NLRP5: variants seen among roughly 807,000 people sequenced by gnomAD.
The protein encoded by NLRP5 is NACHT, LRR and PYD domains-containing protein 5.
Under a neutral mutation model 113.1 loss-of-function variants are expected in NLRP5, and 93 were observed. The observed-to-expected ratio is 0.82, with a 90% CI of 0.70 to 0.98. NLRP5 has a LOEUF of 0.98. Ranked by LOEUF, NLRP5 falls within the 50% of genes least tolerant of loss-of-function variation. The pLI is 0.00. For synonymous variants in NLRP5, 751 were observed against 600.7 expected, an observed-to-expected ratio of 1.25 and a Z score of -3.66; for missense variants, 1,808 against 1,514.3, an observed-to-expected ratio of 1.19 and a Z score of -3.22.
At chr19:56,043,629 G>A (rs1983606789) in intron 11 of NLRP5, among the ~76,000 whole-genome samples, 1 of 128,676 alleles carries the variant, frequency 7.8e-6, no homozygotes. Context: ...GCAGTGGCGT[G>A]ATCTCCGGTC....
intron 12 of NLRP5, among the ~76,000 whole-genome samples, chr19:56,052,735 C>T (rs397281): frequency 0.033 from 4,964 of 152,298 alleles, 113 homozygotes; most frequent in Non-Finnish European, 0.049. Flanking sequence ...GGGCCACCCA[C>T]CCCATCTTCC....
At chr19:56,037,046 A>G (rs1983343896) in intron 9 of NLRP5, among the ~76,000 whole-genome samples, 1 of 152,142 alleles carries the variant, frequency 6.6e-6, no homozygotes, top group African/African-American at 2.4e-5. Context: ...CTAATATTCT[A>G]ATCCTCACAA....
At chr19:56,038,922 C>A (rs895497584) in intron 10 of NLRP5, among the ~76,000 whole-genome samples, 1 of 152,166 alleles carries the variant, frequency 6.6e-6, no homozygotes, top group Non-Finnish European at 1.5e-5. Flanking sequence ...GTGATCCTCC[C>A]GTCTTGGCCT....
intron 11 of NLRP5, among the ~76,000 whole-genome samples, chr19:56,042,109 G>T (rs1049286161): frequency 2.2e-4 from 33 of 152,182 alleles, no homozygotes; most frequent in African/African-American, 8.0e-4. Flanking sequence ...GTTCTTCTCT[G>T]CTCTGCACAC....
intron 13 of NLRP5, among the ~76,000 whole-genome samples, chr19:56,055,506 T>G (rs929661081): frequency 1.3e-5 from 2 of 150,258 alleles, no homozygotes; most frequent in African/African-American, 2.4e-5. Context: ...CACTCATCTT[T>G]TAGCTCCATG....
intron 3 of NLRP5, among the ~76,000 whole-genome samples, chr19:56,012,241 C>T (rs944599566): frequency 6.6e-6 from 1 of 152,002 alleles, no homozygotes; most frequent in Non-Finnish European, 1.5e-5. Flanking sequence ...CTCCACCTCC[C>T]AGGTTCACAC....
At chr19:55,998,700 ATATG>A (rs1303686300), upstream of NLRP5, among the ~76,000 whole-genome samples, 13 of 89,574 alleles carry the variant, frequency 1.5e-4, no homozygotes, top group South Asian at 2.1e-3. Flanking sequence ...ATATATATAT[ATATG>A]TGTGTGTGTG....
At chr19:55,996,664 A>C (rs1427312319), upstream of NLRP5, among the ~76,000 whole-genome samples, 1 of 152,128 alleles carries the variant, frequency 6.6e-6, no homozygotes, top group Non-Finnish European at 1.5e-5. Flanking sequence ...AGGACATGAA[A>C]TCATCCTTGT....
chr19:56,009,201 G>A (rs893340883), intron 3 of NLRP5, among the ~76,000 whole-genome samples: 2 of 151,754 alleles, frequency 1.3e-5, no homozygotes, highest in African/African-American at 2.4e-5. Flanking sequence ...ATAGCCAGAC[G>A]TGGTGGTGGG....
At chr19:56,057,524 A>G (rs1984200756) in intron 13 of NLRP5, among the ~76,000 whole-genome samples, 1 of 152,138 alleles carries the variant, frequency 6.6e-6, no homozygotes, top group African/African-American at 2.4e-5. Flanking sequence ...TTTTATATCA[A>G]TGCATATGTC....
upstream of NLRP5, among the ~76,000 whole-genome samples, chr19:55,998,843 A>G (rs1037794851): frequency 6.6e-6 from 1 of 150,906 alleles, no homozygotes; most frequent in Non-Finnish European, 1.5e-5. Flanking sequence ...GCGAGGTACA[A>G]TGCGATGTTT....
chr19:56,017,054 G>A (rs1404775444), intron 4 of NLRP5, among the ~76,000 whole-genome samples: 2 of 152,028 alleles, frequency 1.3e-5, no homozygotes, highest in Non-Finnish European at 2.9e-5. Context: ...TGATCCGCCC[G>A]CCTCGGCCTC....
chr19:56,046,767 C>T (rs952395601), intron 11 of NLRP5, among the ~76,000 whole-genome samples: 4 of 152,112 alleles, frequency 2.6e-5, no homozygotes, highest in African/African-American at 9.7e-5. Flanking sequence ...CTCCTGACCT[C>T]GTGATCTGCC....
At chr19:56,014,478 C>CAAAAA (rs3055393) in intron 3 of NLRP5, among the ~76,000 whole-genome samples, 1 of 136,918 alleles carries the variant, frequency 7.3e-6, no homozygotes. Flanking sequence ...CGCTCCATCT[C>CAAAAA]AAAAAAAAAA....
chr19:56,004,922 G>A (rs774067578), intron 2 of NLRP5, among the ~76,000 whole-genome samples: 12 of 151,440 alleles, frequency 7.9e-5, no homozygotes, highest in Admixed American at 2.6e-4. Flanking sequence ...GAGAAACCCC[G>A]TCTCTACTAG....
rs528251653 is a variant in NLRP5 at position 56,044,127 on chromosome 19, G to A, written c.2957+3035G>A. On this transcript the variant is annotated intron_variant, in intron 11 of 14. Transcript: ENST00000390649. ...CACCCAGGCTGGAGTGCAGTGGCACGATCTGAGCTCACTGCAACCTCCACC... is the reference window on the plus strand; with the variant it reads ...CACCCAGGCTGGAGTGCAGTGGCACAATCTGAGCTCACTGCAACCTCCACC... Among the ~76,000 whole-genome samples the A allele has an allele frequency of 6.0e-5, 9 of 149,484 alleles. No homozygotes were observed. In the South Asian group the frequency reaches 1.1e-3, roughly 18 times the overall value.
chr19:56,046,543 C>T, intron 11 of NLRP5, among the ~76,000 whole-genome samples: 1 of 147,978 alleles, frequency 6.8e-6, no homozygotes, highest in East Asian at 2.0e-4. Flanking sequence ...GGTACCACTT[C>T]TTGTTTTTTT....
rs369791138 is a variant in NLRP5 at position 56,027,225 on chromosome 19, G to T, written c.992G>T (p.Ser331Ile). The T allele has an allele frequency of 6.3e-5, 102 of 1,612,430 alleles. No homozygotes were observed. The highest frequency in any genetic ancestry group is 8.5e-5 in the Non-Finnish European group (100 of 1,179,534). Reference sequence around the variant, plus strand: ...GAGATGCAGCGGAAGAAGGAGAGCAGTGTCACAGAGTTCATCTCCAGGGAG... The same window carrying T: ...GAGATGCAGCGGAAGAAGGAGAGCATTGTCACAGAGTTCATCTCCAGGGAG... The change falls in exon 7 of 15, where the codon AGT becomes ATT. Residue 331 changes from serine (S) to isoleucine (I), a missense_variant. Transcript: ENST00000390649.
intron 14 of NLRP5, 136 bp downstream of exon 14, chr19:56,058,546 A>G: frequency 2.8e-6 from 2 of 718,672 alleles, no homozygotes; most frequent in Non-Finnish European, 4.6e-6. Context: ...GTGAGTGCCC[A>G]CTACGTTCTG....
Sources: gnomAD v4.1 joint callset for allele counts (sites outside exome capture counted in the v4.1 genomes callset) on GRCh38, gnomAD v4.1.1 for gene constraint, MANE v1.5 for transcripts, NCBI Gene and HGNC (gene_info 2026-07-23, HGNC 2026-07-21) for gene names.